SEC63: variants seen among roughly 807,000 people sequenced by gnomAD.
SEC63 encodes SEC63 protein translocation regulator, also known as translocation protein SEC63 homolog.
A neutral mutation model predicts 116.2 loss-of-function variants in SEC63; 56 were observed. That is an observed-to-expected ratio of 0.48 (90% confidence interval 0.39 to 0.60). The LOEUF (loss-of-function observed/expected upper bound fraction) is 0.60, where lower values mean the gene tolerates loss of function less well. Among genes scored for constraint, SEC63 ranks in the 20% least tolerant of loss-of-function variants. The probability of loss-of-function intolerance (pLI) is 0.00; values close to 1 mark genes in which losing one functional copy is unlikely to be tolerated. For synonymous variants in SEC63, 273 were observed against 294.6 expected, an observed-to-expected ratio of 0.93 and a Z score of 0.75; for missense variants, 668 against 900.0, an observed-to-expected ratio of 0.74 and a Z score of 3.30.
intron 18 of SEC63, among the ~76,000 whole-genome samples, chr6:107,879,610 C>T (rs1786364561): frequency 6.6e-6 from 1 of 152,206 alleles, no homozygotes; most frequent in South Asian, 2.1e-4. Context: ...CAGGCATGAG[C>T]CACTGCACTC....
chr6:107,886,185 G>T (rs537685325), intron 16 of SEC63, among the ~76,000 whole-genome samples: 1 of 152,282 alleles, frequency 6.6e-6, no homozygotes, highest in South Asian at 2.1e-4. Flanking sequence ...CAAAGGACAT[G>T]AACTCATCCT....
chr6:107,921,700 C>T, intron 4 of SEC63, 97 bp downstream of exon 4: 1 of 815,740 alleles, frequency 1.2e-6, no homozygotes, highest in Non-Finnish European at 2.2e-6. Flanking sequence ...GATCCTCCTG[C>T]CTCAGCCTCC....
chr6:107,924,426 A>G (rs1482606062), intron 3 of SEC63, among the ~76,000 whole-genome samples: 1 of 151,360 alleles, frequency 6.6e-6, no homozygotes, highest in Non-Finnish European at 1.5e-5. Flanking sequence ...AAAATACAAA[A>G]AATTAGACAG....
chr6:107,891,883 G>A lies in SEC63; in HGVS notation c.1674+1599C>T, dbSNP rs188930530. On this transcript the variant is annotated intron_variant, in intron 16 of 20. Transcript: ENST00000369002. ...CCCTCTTTGCCTGGGTATCACCAGC[G>A]GAGGCTGCAGACCAGCAAAGATTGC... Among the ~76,000 whole-genome samples, 369 of 152,334 alleles carry A rather than the reference G, an allele frequency of 2.4e-3. 4 individuals are homozygous for A. The highest frequency in any genetic ancestry group is 2.7e-3 in the Non-Finnish European group (186 of 68,030).
At chr6:107,881,934 T>C (rs1786421996) in intron 17 of SEC63, among the ~76,000 whole-genome samples, 1 of 152,202 alleles carries the variant, frequency 6.6e-6, no homozygotes, top group African/African-American at 2.4e-5. Flanking sequence ...TTTGGTCATA[T>C]GAAGAAATTA....
rs551139934 is a variant in SEC63 at position 107,878,855 on chromosome 6, C to CA, written c.1936-2194dup. Reference sequence around the variant, plus strand: ...GGGCAACAAGAGCAAAATTCCAGCTCAAAAAAAAAAAAGAATATTTATTAA... The same window carrying CA: ...GGGCAACAAGAGCAAAATTCCAGCTCAAAAAAAAAAAAAGAATATTTATTAA... On this transcript the variant is annotated intron_variant, in intron 18 of 20. Transcript: ENST00000369002. 6.5e-3 allele frequency among the ~76,000 whole-genome samples: 830 copies of CA among 126,822 alleles called. 3 individuals are homozygous for CA. The highest frequency in any genetic ancestry group is 0.018 in the African/African-American group (619 of 34,238). 83.2% of individuals were successfully genotyped at this position (126,822 alleles called of 152,430 possible).
intron 14 of SEC63, 81 bp from the exon 15 acceptor site, chr6:107,893,978 G>T: frequency 7.0e-7 from 1 of 1,424,376 alleles, no homozygotes; most frequent in Non-Finnish European, 9.8e-7. Context: ...CTTTCAAACT[G>T]CATTTTTATT....
chr6:107,939,273 C>T (rs192016896), intron 1 of SEC63, among the ~76,000 whole-genome samples: 43 of 151,978 alleles, frequency 2.8e-4, no homozygotes, highest in African/African-American at 8.7e-4. Context: ...TGGCATGAGA[C>T]GGTGTCTCAA....
intron 16 of SEC63, among the ~76,000 whole-genome samples, chr6:107,884,028 T>A (rs1459906203): frequency 6.6e-6 from 1 of 151,932 alleles, no homozygotes; most frequent in Non-Finnish European, 1.5e-5. Context: ...GGCAGGTGGA[T>A]AATTTAAGGT....
intron 7 of SEC63, among the ~76,000 whole-genome samples, chr6:107,910,775 G>GT (rs1191199146): frequency 6.6e-6 from 1 of 151,848 alleles, no homozygotes; most frequent in Non-Finnish European, 1.5e-5. Context: ...TGTGATTTTT[G>GT]TTTTTTTCTT....
rs188869413 is a variant in SEC63, at chr6:107,875,425, A to G, written c.2034+1139T>C. ...TTAAAAGATCAGAGAGGCCAGGCAC[A>G]GTGGCTCATGCCTGTAATCCCGGCA... On this transcript the variant is annotated intron_variant, in intron 19 of 20. Transcript: ENST00000369002. Among the ~76,000 whole-genome samples the G allele has an allele frequency of 1.9e-3, 291 of 152,330 alleles. 1 individual carries two copies. The highest frequency in any genetic ancestry group is 2.3e-3 in the Non-Finnish European group (156 of 68,032).
chr6:107,911,303 C>T (rs1185352174), intron 7 of SEC63, 43 bp downstream of exon 7: 1 of 1,331,254 alleles, frequency 7.5e-7, no homozygotes, highest in African/African-American at 1.4e-5. Flanking sequence ...ACATGTCAAT[C>T]TCCTTTCCAA....
chr6:107,951,300 A>G (rs1276254133), intron 1 of SEC63, among the ~76,000 whole-genome samples: 1 of 152,222 alleles, frequency 6.6e-6, no homozygotes, highest in African/African-American at 2.4e-5. Context: ...ATACTCTGGA[A>G]GCCATTAATA....
rs567742031 is a variant in SEC63, at chr6:107,946,940, G to T, written c.124+10946C>A. 3.9e-5 allele frequency among the ~76,000 whole-genome samples: 6 copies of T among 152,322 alleles called. No homozygotes were observed. In the South Asian group the frequency reaches 1.0e-3, roughly 26 times the overall value. On this transcript the variant is annotated intron_variant, in intron 1 of 20. Transcript: ENST00000369002. The stretch of plus-strand genomic sequence containing the variant: ...AATCACTTGAACCCAGGAGGCAGAG[G>T]TTGCAGTGAGTTGAGATCATGCCAC...
At chr6:107,954,655 C>T (rs9486754) in intron 1 of SEC63, 108,557 of 152,068 alleles carry the variant, frequency 0.71, 42,280 homozygotes, top group South Asian at 0.9. Context: ...CCTGTCAGTA[C>T]AAGTCGGCAA....
intron 3 of SEC63, among the ~76,000 whole-genome samples, chr6:107,924,515 G>A (rs1020478712): frequency 6.6e-6 from 1 of 151,746 alleles, no homozygotes; most frequent in South Asian, 2.1e-4. Flanking sequence ...GCAGTGAGCC[G>A]AGATCACACC....
intron 13 of SEC63, among the ~76,000 whole-genome samples, chr6:107,899,897 C>T (rs1461787087): frequency 1.3e-5 from 2 of 152,132 alleles, no homozygotes; most frequent in African/African-American, 4.8e-5. Context: ...CACAAGGCAA[C>T]CCCAACTCCT....
At chr6:107,897,049 G>C (rs1583737558) in intron 14 of SEC63, among the ~76,000 whole-genome samples, 1 of 151,716 alleles carries the variant, frequency 6.6e-6, no homozygotes, top group East Asian at 1.9e-4. Context: ...GGGAAGGAAG[G>C]AAGGAAATGG....
intron 18 of SEC63, among the ~76,000 whole-genome samples, chr6:107,880,192 G>T (rs943642576): frequency 5.9e-5 from 9 of 152,216 alleles, no homozygotes; most frequent in Non-Finnish European, 1.2e-4. Context: ...CAAAACAACA[G>T]TCTGTGCAGA....
Sources: gnomAD v4.1 joint callset for allele counts (sites outside exome capture counted in the v4.1 genomes callset) on GRCh38, gnomAD v4.1.1 for gene constraint, MANE v1.5 for transcripts, NCBI Gene and HGNC (gene_info 2026-07-23, HGNC 2026-07-21) for gene names.